Variants in RELN observed in about 807,000 individuals in gnomAD.
RELN encodes the protein reelin.
Under a neutral mutation model 427.6 loss-of-function variants are expected in RELN, and 108 were observed. That is an observed-to-expected ratio of 0.25 (90% CI 0.22 to 0.30). The LOEUF (loss-of-function observed/expected upper bound fraction) is 0.30, where lower values mean the gene tolerates loss of function less well. Among genes scored for constraint, RELN ranks in the 10% least tolerant of loss-of-function variants. The probability of loss-of-function intolerance (pLI) is 1.00; values close to 1 mark genes in which losing one functional copy is unlikely to be tolerated. For missense variants in RELN, 3,715 were observed against 4,302.8 expected (o/e 0.86, Z 3.82); for synonymous variants, 1,524 against 1,513.4 (o/e 1.01, Z -0.16).
chr7:103,930,620 A>G (rs1276470616), intron 1 of RELN, among the ~76,000 whole-genome samples: 2 of 152,026 alleles, frequency 1.3e-5, no homozygotes, highest in Non-Finnish European at 2.9e-5. Flanking sequence ...GCACACCACC[A>G]TGCCCAGCTA....
chr7:103,799,592 C>A (rs1403202264), intron 3 of RELN, among the ~76,000 whole-genome samples: 2 of 152,140 alleles, frequency 1.3e-5, no homozygotes. Flanking sequence ...TTAGTCATCC[C>A]AAGATGTGGT....
In RELN at chr7:103,953,932, A is replaced by G. The variant is rs1321367893; in HGVS notation, c.226+35199T>C. Among the ~76,000 whole-genome samples the G allele has an allele frequency of 1.3e-5, 2 of 151,916 alleles. No individual in the cohort carries two copies. Among genetic ancestry groups the G allele is most frequent in the African/African-American group, 4.8e-5 (2 of 41,346 alleles). On this transcript the variant is annotated intron_variant, in intron 1 of 64. Coordinates refer to ENST00000428762, the MANE Select transcript of RELN (RefSeq NM_005045.4). The surrounding 1 kb of genome is among the most constrained non-coding windows in gnomAD (Gnocchi z 4.3). The stretch of plus-strand genomic sequence containing the variant: ...GTGCGGCAGAGCAAGACTCCATCTC[A>G]AAAAAACAAAACAAACAACAATAAC...
chr7:103,819,734 T>C lies in RELN; in HGVS notation c.473+13803A>G, dbSNP rs530341972. On this transcript the variant is annotated intron_variant, in intron 3 of 64. Transcript: ENST00000428762. ...ATATTTCAAAAAATATTTCAAATAA[T>C]GAAATATTTGAGAAACAAAATATAA... Among the ~76,000 whole-genome samples the C allele has an allele frequency of 3.9e-5, 6 of 152,176 alleles. No individual in the cohort carries two copies. In the South Asian group the frequency reaches 1.2e-3, roughly 32 times the overall value.
intron 1 of RELN, among the ~76,000 whole-genome samples, chr7:103,945,012 C>T (rs945511663): frequency 2.5e-4 from 38 of 152,088 alleles, no homozygotes; most frequent in South Asian, 1.9e-3. Context: ...AAAACACCTA[C>T]GGATGTCCTT....
At chr7:103,811,930 G>A (rs988736153) in intron 3 of RELN, among the ~76,000 whole-genome samples, 31 of 152,258 alleles carry the variant, frequency 2.0e-4, no homozygotes, top group Non-Finnish European at 3.5e-4. Flanking sequence ...AATGGTATTG[G>A]CATAAAGCCC....
intron 2 of RELN, among the ~76,000 whole-genome samples, chr7:103,865,446 C>A (rs1463501070): frequency 1.3e-5 from 2 of 152,050 alleles, no homozygotes; most frequent in African/African-American, 4.8e-5. Flanking sequence ...AAGTATTACA[C>A]TAAAAGAAAA....
intron 3 of RELN, among the ~76,000 whole-genome samples, chr7:103,818,715 A>G (rs1259376799): frequency 6.6e-6 from 1 of 152,162 alleles, no homozygotes; most frequent in Non-Finnish European, 1.5e-5. Flanking sequence ...AGACTGATTA[A>G]ACAGATTATA....
At chr7:103,712,239 C>A (rs114352223) in intron 8 of RELN, among the ~76,000 whole-genome samples, 1 of 151,970 alleles carries the variant, frequency 6.6e-6, no homozygotes, top group Non-Finnish European at 1.5e-5. Context: ...GCCTATTTAC[C>A]GTAATATACA....
intron 1 of RELN, among the ~76,000 whole-genome samples, chr7:103,983,966 G>T (rs901022092): frequency 1.3e-5 from 2 of 151,706 alleles, no homozygotes; most frequent in Non-Finnish European, 2.9e-5. Flanking sequence ...CAAATGTAAA[G>T]GTTATTTGAA....
At chr7:103,766,070 C>G (rs1403732844) in intron 4 of RELN, among the ~76,000 whole-genome samples, 1 of 152,178 alleles carries the variant, frequency 6.6e-6, no homozygotes, top group Non-Finnish European at 1.5e-5. Flanking sequence ...ATACTTTCTG[C>G]CTGCCATAGC....
intron 2 of RELN, among the ~76,000 whole-genome samples, chr7:103,858,160 C>T (rs79300395): frequency 0.019 from 2,853 of 152,252 alleles, 42 homozygotes; most frequent in South Asian, 0.043. Context: ...GGCTGGCACT[C>T]GGCAGCTTGG....
intron 8 of RELN, among the ~76,000 whole-genome samples, chr7:103,710,386 C>A (rs1484160578): frequency 2.0e-5 from 3 of 152,130 alleles, no homozygotes; most frequent in Non-Finnish European, 4.4e-5. Flanking sequence ...AGTTTACTTT[C>A]CATTTTGTAG....
chr7:103,730,828 T>C (rs1790335216), intron 6 of RELN, among the ~76,000 whole-genome samples: 1 of 152,116 alleles, frequency 6.6e-6, no homozygotes, highest in Non-Finnish European at 1.5e-5. Context: ...TAATTTACCC[T>C]GAATGCCCAT....
Position 103,561,824 on chromosome 7 carries a change from A to G in RELN, c.5340T>C (p.Ala1780=). The part of the protein sequence containing the change: ...WMCSGRGICD[A]GRCVCDRGFG... ...TTTTATTAACTTACACACAGCGTCC[A>G]GCATCACAAATCCCTCGTCCTGAGC... The change falls in exon 35 of 65, where the codon GCT becomes GCC. Residue 1780 remains alanine, a synonymous_variant. Coordinates refer to ENST00000428762, the MANE Select transcript of RELN (RefSeq NM_005045.4). The G allele has an allele frequency of 6.2e-7, 1 of 1,614,010 alleles. No homozygotes were observed. The highest frequency in any genetic ancestry group is 1.1e-5 in the South Asian group (1 of 91,078).
At chr7:103,755,884 C>A (rs1791138333) in intron 4 of RELN, among the ~76,000 whole-genome samples, 1 of 148,820 alleles carries the variant, frequency 6.7e-6, no homozygotes, top group African/African-American at 2.5e-5. Context: ...AAAAGGGATT[C>A]TCTGTATTCA....
rs563152138 is a variant in RELN at position 103,651,060 on chromosome 7, T to G, written c.1892+601A>C. Among the ~76,000 whole-genome samples, 11 of 152,218 alleles carry G rather than the reference T, an allele frequency of 7.2e-5. No homozygotes were observed. The South Asian group carries it at 2.3e-3, about 32-fold the overall frequency. Reference sequence around the variant, plus strand: ...ATGTACTGCTAATTAGCATCAATTATTTTTATTTTTTGTTCTCCCCTAGCC... The same window carrying G: ...ATGTACTGCTAATTAGCATCAATTAGTTTTATTTTTTGTTCTCCCCTAGCC... On this transcript the variant is annotated intron_variant, in intron 15 of 64. Coordinates refer to ENST00000428762, the MANE Select transcript of RELN (RefSeq NM_005045.4).
chr7:103,887,517 G>C (rs1584334011), intron 2 of RELN, among the ~76,000 whole-genome samples: 1 of 152,308 alleles, frequency 6.6e-6, no homozygotes. Flanking sequence ...AGTGCAAACA[G>C]AGGATTGGGT....
rs569419170 is a variant in RELN at position 103,796,060 on chromosome 7, A to G, written c.474-19433T>C. Among the ~76,000 whole-genome samples, 472 of 152,318 alleles carry G rather than the reference A, an allele frequency of 3.1e-3. 3 individuals carry two copies. Among genetic ancestry groups the G allele is most frequent in the Middle Eastern group, 0.017 (5 of 294 alleles). ...ACAGTGCCAACTAGTTGGTCTACCT[A>G]TTTCAATATGGAAATCATGTTTTTA... On this transcript the variant is annotated intron_variant, in intron 3 of 64. Transcript: ENST00000428762.
intron 12 of RELN, among the ~76,000 whole-genome samples, chr7:103,660,187 A>G (rs1291613234): frequency 1.3e-5 from 2 of 152,166 alleles, no homozygotes; most frequent in Non-Finnish European, 2.9e-5. Context: ...AATGGGGAAA[A>G]GGGAAAAAAC....
Sources: gnomAD v4.1 joint callset for allele counts (sites outside exome capture counted in the v4.1 genomes callset) on GRCh38, gnomAD v4.1.1 for gene constraint, Gnocchi (gnomAD v3.1) non-coding constraint, MANE v1.5 for transcripts, NCBI Gene and HGNC (gene_info 2026-07-23, HGNC 2026-07-21) for gene names.